ZEB1: variants seen among roughly 807,000 people sequenced by gnomAD.
ZEB1 encodes zinc finger E-box-binding homeobox 1.
Under a neutral mutation model 84.9 loss-of-function variants are expected in ZEB1, and 21 were observed. The observed-to-expected ratio is 0.25, with a 90% confidence interval of 0.18 to 0.36. The LOEUF (loss-of-function observed/expected upper bound fraction) is 0.36. ZEB1 is among the 10% of genes least tolerant of loss of function. The probability of loss-of-function intolerance (pLI) is 1.00; values close to 1 mark genes in which losing one functional copy is unlikely to be tolerated. For synonymous variants in ZEB1, 420 were observed against 471.1 expected, an observed-to-expected ratio of 0.89 and a Z score of 1.41; for missense variants, 1,104 against 1,330.2, an observed-to-expected ratio of 0.83 and a Z score of 2.65.
intron 1 of ZEB1, among the ~76,000 whole-genome samples, chr10:31,329,700 C>T (rs1452821032): frequency 1.3e-5 from 2 of 152,148 alleles, no homozygotes; most frequent in African/African-American, 4.8e-5. Context: ...GGTTGTTCCA[C>T]ATCCTTGCAA....
At chr10:31,473,489 A>T (rs938205641) in intron 2 of ZEB1, among the ~76,000 whole-genome samples, 3 of 152,102 alleles carry the variant, frequency 2.0e-5, no homozygotes, top group Non-Finnish European at 4.4e-5. Flanking sequence ...ATACCTAGGA[A>T]TCCAACTTAC....
intron 1 of ZEB1, among the ~76,000 whole-genome samples, chr10:31,440,701 C>T (rs1276339254): frequency 6.6e-6 from 1 of 152,212 alleles, no homozygotes; most frequent in Non-Finnish European, 1.5e-5. Context: ...TAAGCAACTT[C>T]AGCAAAGTCT....
chr10:31,414,303 G>C (rs2054825540), intron 1 of ZEB1, among the ~76,000 whole-genome samples: 1 of 152,116 alleles, frequency 6.6e-6, no homozygotes, highest in African/African-American at 2.4e-5. Flanking sequence ...TGAATAGGTA[G>C]TAATTTAATG....
rs2072158843 is a variant in ZEB1, at chr10:31,520,810, T to A, written c.1478T>A (p.Leu493Ter). The change falls in exon 7 of 9, where the codon TTA becomes TAA. Residue 493 changes from leucine to a stop codon, truncating the protein, a stop_gained. Transcript: ENST00000424869. LOFTEE classifies it high-confidence loss of function. This position sits in a 1 kb window ranked among gnomAD's most constrained non-coding sequence, Gnocchi z 5.1. Reference protein sequence around the residue: ...PSQLQVVPQNLKKENPVATNS... With the variant: ...PSQLQVVPQN ...CAACTTCAAGTTGTTCCTCAAAATT[T>A]AAAAAAAGAAAATCCAGTCGCTACA... 6.2e-7 allele frequency: 1 copy of A among 1,613,658 alleles called. No individual in the cohort carries two copies. The highest frequency in any genetic ancestry group is 8.5e-7 in the Non-Finnish European group (1 of 1,179,938).
chr10:31,415,660 C>T (rs565131418), intron 1 of ZEB1, among the ~76,000 whole-genome samples: 1 of 152,082 alleles, frequency 6.6e-6, no homozygotes, highest in South Asian at 2.1e-4. Context: ...TTTATAAATA[C>T]AGTTCGAAAG....
At chr10:31,487,667 A>G (rs1033913130) in intron 2 of ZEB1, among the ~76,000 whole-genome samples, 1 of 151,388 alleles carries the variant, frequency 6.6e-6, no homozygotes, top group African/African-American at 2.4e-5. Context: ...CAAGACATCA[A>G]GAGAGGTGAT....
chr10:31,409,935 T>G (rs1261055017), intron 1 of ZEB1, among the ~76,000 whole-genome samples: 1 of 152,234 alleles, frequency 6.6e-6, no homozygotes, highest in Non-Finnish European at 1.5e-5. Context: ...TTTCTAAATA[T>G]GCAATCATGT....
intron 4 of ZEB1, among the ~76,000 whole-genome samples, chr10:31,504,606 T>C (rs1434479164): frequency 2.0e-5 from 3 of 152,154 alleles, no homozygotes; most frequent in African/African-American, 7.2e-5. Flanking sequence ...TCTTTCCATT[T>C]ACTTGTGTCT....
intron 1 of ZEB1, among the ~76,000 whole-genome samples, chr10:31,343,672 G>T (rs1196146368): frequency 6.6e-6 from 1 of 152,038 alleles, no homozygotes; most frequent in Non-Finnish European, 1.5e-5. Flanking sequence ...TAATGAAAAG[G>T]TTGGAGGAGA....
chr10:31,475,935 T>G (rs2064099041), intron 2 of ZEB1, among the ~76,000 whole-genome samples: 1 of 152,060 alleles, frequency 6.6e-6, no homozygotes, highest in Non-Finnish European at 1.5e-5. Flanking sequence ...ACACACATAT[T>G]AATATTAACC....
intron 1 of ZEB1, among the ~76,000 whole-genome samples, chr10:31,420,115 A>C (rs1368689910): frequency 1.3e-5 from 2 of 152,152 alleles, no homozygotes; most frequent in African/African-American, 4.8e-5. Context: ...GTCCTATAAC[A>C]CATGTGCCCA....
At chr10:31,485,296 CACA>C (rs960824407) in intron 2 of ZEB1, among the ~76,000 whole-genome samples, 3 of 151,818 alleles carry the variant, frequency 2.0e-5, no homozygotes, top group African/African-American at 7.3e-5. Flanking sequence ...GCTCAGTATT[CACA>C]ACAATCCTGT....
rs543996065 is a variant in ZEB1 at position 31,440,319 on chromosome 10, C to T, written c.59-20718C>T. ...AAAGACAAAAGCCACATGATTATCTCAATAGATGCAGAAAAGGCCTTTGAC... is the reference window on the plus strand; with the variant it reads ...AAAGACAAAAGCCACATGATTATCTTAATAGATGCAGAAAAGGCCTTTGAC... On this transcript the variant is annotated intron_variant, in intron 1 of 8. Transcript: ENST00000424869. 2.0e-5 allele frequency among the ~76,000 whole-genome samples: 3 copies of T among 152,254 alleles called. No homozygotes were observed. In the East Asian group the frequency reaches 5.8e-4, roughly 29 times the overall value.
chr10:31,335,990 AAC>A (rs985189851), intron 1 of ZEB1, among the ~76,000 whole-genome samples: 1 of 152,178 alleles, frequency 6.6e-6, no homozygotes, highest in African/African-American at 2.4e-5. Flanking sequence ...AAAAGTATAA[AAC>A]ACTGTGAGTA....
chr10:31,407,247 C>T (rs1348795782), intron 1 of ZEB1, among the ~76,000 whole-genome samples: 1 of 105,014 alleles, frequency 9.5e-6, no homozygotes, highest in Non-Finnish European at 1.8e-5. Flanking sequence ...CCTCCCCCCT[C>T]CCCCCACCCC....
chr10:31,392,420 C>T (rs1411114023), intron 1 of ZEB1, among the ~76,000 whole-genome samples: 1 of 152,034 alleles, frequency 6.6e-6, no homozygotes, highest in Non-Finnish European at 1.5e-5. Flanking sequence ...GTTCTGAACC[C>T]TAGTTAAAGA....
At chr10:31,367,559 T>C (rs1400025353) in intron 1 of ZEB1, among the ~76,000 whole-genome samples, 2 of 152,222 alleles carry the variant, frequency 1.3e-5, no homozygotes, top group African/African-American at 4.8e-5. Context: ...ATCTTCATTA[T>C]ACAAATGGAG....
intron 1 of ZEB1, among the ~76,000 whole-genome samples, chr10:31,449,031 T>G (rs1396940967): frequency 2.0e-5 from 3 of 152,256 alleles, no homozygotes; most frequent in Non-Finnish European, 4.4e-5. Flanking sequence ...GCCTTGCAGT[T>G]TGATCTCAGA....
At chr10:31,442,754 GAA>G (rs958680017) in intron 1 of ZEB1, among the ~76,000 whole-genome samples, 1 of 152,142 alleles carries the variant, frequency 6.6e-6, no homozygotes, top group African/African-American at 2.4e-5. Context: ...AGAGTCAAGA[GAA>G]GAGATTGTTT....
Sources: gnomAD v4.1 joint callset for allele counts (sites outside exome capture counted in the v4.1 genomes callset) on GRCh38, gnomAD v4.1.1 for gene constraint, Gnocchi (gnomAD v3.1) non-coding constraint, MANE v1.5 for transcripts, NCBI Gene and HGNC (gene_info 2026-07-23, HGNC 2026-07-21) for gene names.